RHOQ: variants seen among roughly 807,000 people sequenced by gnomAD.
RHOQ encodes ras homolog family member Q.
Under a neutral mutation model 25.8 loss-of-function variants are expected in RHOQ, and 7 were observed. That is an observed-to-expected ratio of 0.27 (90% CI 0.15 to 0.51). The LOEUF (loss-of-function observed/expected upper bound fraction) is 0.51, where lower values mean the gene tolerates loss of function less well. Among genes scored for constraint, RHOQ ranks in the 20% least tolerant of loss-of-function variants. The pLI, the probability that RHOQ is intolerant of heterozygous loss-of-function variation, is 0.97. For missense variants in RHOQ, 165 were observed against 260.6 expected (o/e 0.63, Z 2.53); for synonymous variants, 97 against 98.6 (o/e 0.98, Z 0.10).
intron 4 of RHOQ, among the ~76,000 whole-genome samples, chr2:46,578,651 G>A (rs1412154388): frequency 6.6e-6 from 1 of 150,392 alleles, no homozygotes; most frequent in African/African-American, 2.4e-5. Context: ...AGCTACTTGG[G>A]GGGCTGAGGA....
intron 2 of RHOQ, among the ~76,000 whole-genome samples, chr2:46,570,448 A>C (rs1033958024): frequency 7.1e-6 from 1 of 139,960 alleles, no homozygotes; most frequent in African/African-American, 2.5e-5. Flanking sequence ...CTCAAAAAAT[A>C]AAAAAAAAAA....
At chr2:46,575,399 T>TCACACACACACACACA (rs56002979) in intron 2 of RHOQ, among the ~76,000 whole-genome samples, 3 of 138,226 alleles carry the variant, frequency 2.2e-5, no homozygotes, top group East Asian at 2.1e-4. Context: ...CTTTAAATCT[T>TCACACACACACACACA]CACACACACA....
At chr2:46,562,166 A>T (rs981670881) in intron 2 of RHOQ, among the ~76,000 whole-genome samples, 1 of 152,110 alleles carries the variant, frequency 6.6e-6, no homozygotes, top group African/African-American at 2.4e-5. Flanking sequence ...ACCAGACTGT[A>T]GGGTCTATAC....
rs1668843802 is a variant in RHOQ, at chr2:46,569,464, A to T, written c.202-6623A>T. 6.6e-6 allele frequency: 1 copy of T among 152,170 alleles called. No individual in the cohort carries two copies. The highest frequency in any genetic ancestry group is 2.4e-5 in the African/African-American group (1 of 41,412). The allele number at this position is 152,170 out of a possible 1,614,324, so 9.4% of individuals were successfully genotyped here. A position where few individuals can be genotyped will look rare whatever the true frequency, so the allele number is the denominator to read the frequency against. On this transcript the variant is annotated intron_variant, in intron 2 of 4. Coordinates refer to ENST00000238738, the MANE Select transcript of RHOQ (RefSeq NM_012249.4). The surrounding 1 kb of genome is among the most constrained non-coding windows in gnomAD (Gnocchi z 4.1). Reference sequence around the variant, plus strand: ...AGGGCCCTGCTTTTAGAGATGAGGAAGTGCCAGTTCGTCACAACACAGTTA... The same window carrying T: ...AGGGCCCTGCTTTTAGAGATGAGGATGTGCCAGTTCGTCACAACACAGTTA...
At chr2:46,570,518 A>G (rs1325143808) in intron 2 of RHOQ, among the ~76,000 whole-genome samples, 1 of 152,170 alleles carries the variant, frequency 6.6e-6, no homozygotes, top group Non-Finnish European at 1.5e-5. Flanking sequence ...GTTGTGATAT[A>G]TAAGTTAGAT....
intron 4 of RHOQ, chr2:46,580,228 C>T (rs971452186): frequency 6.6e-6 from 1 of 152,466 alleles, no homozygotes; most frequent in Non-Finnish European, 1.5e-5. Flanking sequence ...TCATTGTTCC[C>T]CAGGCCTCCT....
chr2:46,574,265 G>A (rs554159857), intron 2 of RHOQ, among the ~76,000 whole-genome samples: 261 of 152,010 alleles, frequency 1.7e-3, no homozygotes, highest in Non-Finnish European at 3.1e-3. Context: ...CCCATTTCCC[G>A]GCCATGACAA....
Position 46,548,074 on chromosome 2 carries a change from C to T in RHOQ, c.201+4262C>T, listed in dbSNP as rs779492120. On this transcript the variant is annotated intron_variant, in intron 2 of 4. Transcript: ENST00000238738. The surrounding 1 kb of genome is among the most constrained non-coding windows in gnomAD (Gnocchi z 5.2). ...CTAGAGTTCCAGATTTAGCCACTGT[C>T]TCAGTGTGTGGAAGTCAATTTGTGT... 1.3e-5 allele frequency among the ~76,000 whole-genome samples: 2 copies of T among 152,034 alleles called. No individual in the cohort carries two copies. Among genetic ancestry groups the T allele is most frequent in the Non-Finnish European group, 2.9e-5 (2 of 68,026 alleles).
rs1249671828 is a variant in RHOQ at position 46,576,214 on chromosome 2, A to G, written c.329A>G (p.Tyr110Cys). Residue 110 changes from tyrosine (Y) to cysteine (C), a missense_variant, in exon 3 of 5, where the codon TAC (tyrosine) becomes TGC (cysteine). By Grantham distance (194) the Tyr-to-Cys change is radical. Transcript: ENST00000238738. This position sits in a 1 kb window ranked among gnomAD's most constrained non-coding sequence, Gnocchi z 5.1. ...KEEWVPELKE[Y>C]APNVPFLLIG... is the part of the protein sequence containing the mutation. ...GAGTGGGTACCGGAACTTAAGGAAT[A>G]CGCACCAAATGTACCCTTTTTATTA... The G allele has an allele frequency of 6.2e-7, 1 of 1,612,460 alleles. No individual in the cohort carries two copies. Among genetic ancestry groups the G allele is most frequent in the East Asian group, 2.2e-5 (1 of 44,840 alleles).
chr2:46,561,258 C>T (rs546003021), intron 2 of RHOQ, among the ~76,000 whole-genome samples: 15 of 150,898 alleles, frequency 9.9e-5, no homozygotes, highest in African/African-American at 1.5e-4. Flanking sequence ...AGGAAGAGTA[C>T]GGTGAGGGGA....
chr2:46,548,839 C>CTGGTTTCCTCCTCTGCGT lies in RHOQ; in HGVS notation c.201+5031_201+5048dup, dbSNP rs1668152858. Among the ~76,000 whole-genome samples the CTGGTTTCCTCCTCTGCGT allele has an allele frequency of 6.6e-6, 1 of 152,210 alleles. No individual in the cohort carries two copies. The highest frequency in any genetic ancestry group is 1.5e-5 in the Non-Finnish European group (1 of 68,028). On this transcript the variant is annotated intron_variant, in intron 2 of 4. Coordinates refer to ENST00000238738, the MANE Select transcript of RHOQ (RefSeq NM_012249.4). This position sits in a 1 kb window ranked among gnomAD's most constrained non-coding sequence, Gnocchi z 5.2. ...GCCCACACCGCATCACACGGGAATG[C>CTGGTTTCCTCCTCTGCGT]TGGTTTCCTCCTCTGCGTTGGGAAG...
At chr2:46,547,192 T>A (rs1391520467) in intron 2 of RHOQ, among the ~76,000 whole-genome samples, 1 of 152,208 alleles carries the variant, frequency 6.6e-6, no homozygotes, top group Non-Finnish European at 1.5e-5. Flanking sequence ...CTCCAAAATG[T>A]TCACTCATGC....
chr2:46,575,780 T>G (rs1177349845), intron 2 of RHOQ, among the ~76,000 whole-genome samples: 1 of 152,218 alleles, frequency 6.6e-6, no homozygotes, highest in Non-Finnish European at 1.5e-5. Flanking sequence ...CTAGCTATAT[T>G]CAATTCTTTG....
chr2:46,558,432 A>G (rs1668469611), intron 2 of RHOQ, among the ~76,000 whole-genome samples: 1 of 152,152 alleles, frequency 6.6e-6, no homozygotes. Context: ...TTGAAAATAG[A>G]TTATATTTTT....
rs1411830852 is a variant in RHOQ, at chr2:46,552,843, A to G, written c.201+9031A>G. Among the ~76,000 whole-genome samples the G allele has an allele frequency of 6.6e-6, 1 of 152,222 alleles. No individual in the cohort carries two copies. The highest frequency in any genetic ancestry group is 1.5e-5 in the Non-Finnish European group (1 of 68,030). On this transcript the variant is annotated intron_variant, in intron 2 of 4. Coordinates refer to ENST00000238738, the MANE Select transcript of RHOQ (RefSeq NM_012249.4). The surrounding 1 kb of genome is among the most constrained non-coding windows in gnomAD (Gnocchi z 5.0). ...GAGTGGTGGGAGGGCAGTGGGGCCT[A>G]TTTATTGGGGGCACAGAGGAGGAAG... is the stretch of plus-strand genomic sequence containing the variant.
intron 2 of RHOQ, among the ~76,000 whole-genome samples, chr2:46,572,550 C>T (rs1668967000): frequency 6.6e-6 from 1 of 152,152 alleles, no homozygotes; most frequent in Non-Finnish European, 1.5e-5. Flanking sequence ...AAAGAGTCTG[C>T]CATGCAGTCC....
chr2:46,574,742 G>T (rs1669051744), intron 2 of RHOQ, among the ~76,000 whole-genome samples: 1 of 152,180 alleles, frequency 6.6e-6, no homozygotes, highest in African/African-American at 2.4e-5. Context: ...CACCAGTCAA[G>T]GGTTTGGGAC....
chr2:46,583,303 TG>T lies in RHOQ; in HGVS notation c.*2222del, dbSNP rs1669463854. Among the ~76,000 whole-genome samples, 1 of 152,196 alleles carries T rather than the reference TG, an allele frequency of 6.6e-6. No homozygotes were observed. Among genetic ancestry groups the T allele is most frequent in the African/African-American group, 2.4e-5 (1 of 41,466 alleles). ...TGTCACCTGTTTCTTGACTGGGATT[TG>T]GTTTCCTCATTATAAATATGGGAGG... On this transcript the variant is annotated 3_prime_UTR_variant, in exon 5 of 5. Coordinates refer to ENST00000238738, the MANE Select transcript of RHOQ (RefSeq NM_012249.4).
rs538794415 is a variant in RHOQ, at chr2:46,581,168, G to A, written c.*85G>A. ...ACAGCTATACCCAGACCTTTTATAG[G>A]TAATGAAGCAGTTCAAAACTTGAAA... On this transcript the variant is annotated 3_prime_UTR_variant, in exon 5 of 5. Transcript: ENST00000238738. 67 of 1,142,750 alleles carry A rather than the reference G, an allele frequency of 5.9e-5. No homozygotes were observed. In the East Asian group the frequency reaches 1.2e-3, roughly 21 times the overall value. 70.8% of individuals were successfully genotyped at this position (1,142,750 alleles called of 1,614,324 possible).
Sources: allele counts gnomAD v4.1 joint callset (sites outside exome capture counted in the v4.1 genomes callset), GRCh38; gene constraint gnomAD v4.1.1; non-coding constraint Gnocchi (gnomAD v3.1); transcripts MANE v1.5; gene names NCBI Gene and HGNC (gene_info 2026-07-23, HGNC 2026-07-21).